The following CPQ variants were observed in gnomAD, a reference collection of about 807,000 sequenced individuals.
CPQ encodes carboxypeptidase Q, also known as Ser-Met dipeptidase.
Under a neutral mutation model 45.7 loss-of-function variants are expected in CPQ, and 37 were observed. The ratio of observed to expected loss-of-function variants is 0.81; its 90% confidence interval spans 0.62 to 1.07. The LOEUF (loss-of-function observed/expected upper bound fraction) is 1.07. CPQ is among the 50% of genes least tolerant of loss of function. The pLI is 0.00. For missense variants in CPQ, 537 were observed against 572.9 expected (o/e 0.94, Z 0.64); for synonymous variants, 186 against 205.8 (o/e 0.90, Z 0.82).
chr8:96,720,848 T>C (rs1809752800), intron 1 of CPQ, among the ~76,000 whole-genome samples: 1 of 152,186 alleles, frequency 6.6e-6, no homozygotes, highest in Non-Finnish European at 1.5e-5. Flanking sequence ...TTTTCATCCG[T>C]TGGGGATGAT....
chr8:96,970,476 A>T (rs1296462908), intron 5 of CPQ, among the ~76,000 whole-genome samples: 1 of 152,226 alleles, frequency 6.6e-6, no homozygotes, highest in Non-Finnish European at 1.5e-5. Flanking sequence ...AGGAAACCAA[A>T]GCAGAGAAAA....
chr8:97,061,387 C>CAAA (rs1193868028), intron 6 of CPQ, among the ~76,000 whole-genome samples: 2 of 152,056 alleles, frequency 1.3e-5, no homozygotes, highest in Non-Finnish European at 2.9e-5. Context: ...CATTTAACTA[C>CAAA]GGTCTTTGTA....
intron 1 of CPQ, among the ~76,000 whole-genome samples, chr8:96,734,960 CTCTCTCTCTT>C (rs1046700402): frequency 2.8e-4 from 43 of 151,738 alleles, no homozygotes; most frequent in Middle Eastern, 3.4e-3. Context: ...TGTTTGCATG[CTCTCTCTCTT>C]TCTCTCTCTT....
intron 3 of CPQ, among the ~76,000 whole-genome samples, chr8:96,862,380 C>T (rs773378188): frequency 6.0e-5 from 9 of 150,728 alleles, no homozygotes; most frequent in Non-Finnish European, 3.0e-5. Flanking sequence ...TCTATGTAAA[C>T]CTTCTGGTGC....
intron 7 of CPQ, among the ~76,000 whole-genome samples, chr8:97,086,637 G>C (rs2130559498): frequency 6.6e-6 from 1 of 152,204 alleles, no homozygotes; most frequent in South Asian, 2.1e-4. Context: ...CTCACACACA[G>C]AAAACCACTT....
chr8:97,008,972 G>C (rs1409091300), intron 5 of CPQ, among the ~76,000 whole-genome samples: 1 of 152,216 alleles, frequency 6.6e-6, no homozygotes, highest in Non-Finnish European at 1.5e-5. Flanking sequence ...TGTGTCTGCT[G>C]CTCACATAAT....
At chr8:96,985,675 T>G (rs1418014046) in intron 5 of CPQ, among the ~76,000 whole-genome samples, 21 of 152,200 alleles carry the variant, frequency 1.4e-4, no homozygotes, top group Non-Finnish European at 4.4e-5. Context: ...CCTCAATCAG[T>G]TTACCAACAA....
intron 4 of CPQ, among the ~76,000 whole-genome samples, chr8:96,899,335 G>A (rs1243160396): frequency 6.6e-6 from 1 of 152,090 alleles, no homozygotes; most frequent in Non-Finnish European, 1.5e-5. Flanking sequence ...CAACTTACTA[G>A]CAGTTGTACA....
chr8:97,091,474 G>C (rs764467000), intron 7 of CPQ, among the ~76,000 whole-genome samples: 18 of 152,150 alleles, frequency 1.2e-4, no homozygotes, highest in Non-Finnish European at 1.0e-4. Context: ...ATACCTACTT[G>C]TAATTGTCAG....
chr8:96,874,807 A>T (rs1274362718), intron 3 of CPQ, among the ~76,000 whole-genome samples: 1 of 151,868 alleles, frequency 6.6e-6, no homozygotes, highest in East Asian at 1.9e-4. Flanking sequence ...TTTGTGTGTA[A>T]TATTTCTTCA....
At chr8:97,044,527 G>A (rs1417416932) in intron 6 of CPQ, among the ~76,000 whole-genome samples, 1 of 152,218 alleles carries the variant, frequency 6.6e-6, no homozygotes, top group Non-Finnish European at 1.5e-5. Context: ...TTGCTGGTGA[G>A]GAACTGCCTT....
intron 2 of CPQ, among the ~76,000 whole-genome samples, chr8:96,827,948 C>T (rs1811400318): frequency 6.6e-6 from 1 of 152,044 alleles, no homozygotes; most frequent in Admixed American, 6.6e-5. Flanking sequence ...AAATATTCAA[C>T]TTAAAATTTT....
chr8:97,116,999 T>C (rs1337798137), intron 7 of CPQ, among the ~76,000 whole-genome samples: 2 of 152,214 alleles, frequency 1.3e-5, no homozygotes, highest in Non-Finnish European at 2.9e-5. Context: ...GCTAAGTGCT[T>C]TCAGTTGCCT....
At chr8:97,126,348 CAA>C (rs1302141340) in intron 7 of CPQ, among the ~76,000 whole-genome samples, 3 of 152,148 alleles carry the variant, frequency 2.0e-5, no homozygotes, top group Non-Finnish European at 4.4e-5. Context: ...AAGTTTTATG[CAA>C]AGTCTTGATG....
chr8:96,695,759 T>C (rs1271613636), intron 1 of CPQ, among the ~76,000 whole-genome samples: 1 of 151,266 alleles, frequency 6.6e-6, no homozygotes, highest in Non-Finnish European at 1.5e-5. Flanking sequence ...TCACACCAGT[T>C]AGAATGGCGA....
intron 4 of CPQ, among the ~76,000 whole-genome samples, chr8:96,893,896 GA>G: frequency 6.6e-6 from 1 of 152,154 alleles, no homozygotes; most frequent in South Asian, 2.1e-4. Flanking sequence ...AGGTGGAGCC[GA>G]ATTCTCTTCC....
At chr8:96,897,961 T>C (rs144656732) in intron 4 of CPQ, among the ~76,000 whole-genome samples, 2 of 152,306 alleles carry the variant, frequency 1.3e-5, no homozygotes, top group Non-Finnish European at 2.9e-5. Context: ...AAAAGAATTA[T>C]GGTGAATTGT....
rs34830752 is a variant in CPQ, at chr8:97,099,115, C to CTTTTTTTT, written c.1255+32925_1255+32932dup. Reference sequence around the variant, plus strand: ...GAAGTCCCAAAACTCCCTTCTCTCTCTTTTTTTTTTTTTTTTTTTTTTTTT... The same window carrying CTTTTTTTT: ...GAAGTCCCAAAACTCCCTTCTCTCTCTTTTTTTTTTTTTTTTTTTTTTTTTTTTTTTTT... On this transcript the variant is annotated intron_variant, in intron 7 of 7. Transcript: ENST00000220763. 1.3e-3 allele frequency among the ~76,000 whole-genome samples: 84 copies of CTTTTTTTT among 66,346 alleles called. 6 individuals are homozygous for CTTTTTTTT. Among genetic ancestry groups the CTTTTTTTT allele is most frequent in the East Asian group, 1.5e-3 (3 of 1,994 alleles). The allele number at this position is 66,346 out of a possible 152,430, so 43.5% of individuals were successfully genotyped here.
At chr8:96,710,597 G>A (rs1465697850) in intron 1 of CPQ, among the ~76,000 whole-genome samples, 1 of 151,962 alleles carries the variant, frequency 6.6e-6, no homozygotes, top group Non-Finnish European at 1.5e-5. Flanking sequence ...TGATTTCATT[G>A]CTACCGCAAA....
Sources: allele counts gnomAD v4.1 joint callset (sites outside exome capture counted in the v4.1 genomes callset), GRCh38; gene constraint gnomAD v4.1.1; transcripts MANE v1.5; gene names NCBI Gene and HGNC (gene_info 2026-07-23, HGNC 2026-07-21).